ANK2: variants seen among roughly 807,000 people sequenced by gnomAD.
ANK2 encodes the protein ankyrin 2, also known as ankyrin-2.
A neutral mutation model predicts 360.5 loss-of-function variants in ANK2; 83 were observed. The ratio of observed to expected loss-of-function variants is 0.23; its 90% CI spans 0.19 to 0.28. ANK2 has a LOEUF of 0.28. Among genes scored for constraint, ANK2 ranks in the 10% least tolerant of loss-of-function variants. The pLI is 1.00. For missense variants in ANK2, 4,201 were observed against 4,795.7 expected (o/e 0.88, Z 3.66); for synonymous variants, 1,740 against 1,759.5 (o/e 0.99, Z 0.28).
the ANK2 span, among the ~76,000 whole-genome samples, chr4:112,809,389 G>A: frequency 0.13 from 19,710 of 150,048 alleles, 2,052 homozygotes; most frequent in East Asian, 0.5. Flanking sequence ...GTGAAACCCC[G>A]TCTCTACTAA....
At chr4:113,250,710 G>A (rs1182216442) in intron 10 of ANK2, among the ~76,000 whole-genome samples, 2 of 146,878 alleles carry the variant, frequency 1.4e-5, no homozygotes, top group Admixed American at 6.9e-5. Flanking sequence ...TAGACAAAGG[G>A]CAGTTGTTGT....
intron 2 of ANK2, among the ~76,000 whole-genome samples, chr4:112,997,801 TACAC>T (rs771955023): frequency 1.3e-5 from 2 of 151,534 alleles, no homozygotes; most frequent in Non-Finnish European, 2.9e-5. Flanking sequence ...TAAACATATA[TACAC>T]ACACACACAT....
In ANK2 at chr4:113,133,955, ACAG is replaced by A. The variant is rs1378287832; in HGVS notation, c.85-40460_85-40458del. 4.4e-3 allele frequency among the ~76,000 whole-genome samples: 674 copies of A among 152,318 alleles called. 8 individuals are homozygous for A. The highest frequency in any genetic ancestry group is 0.015 in the African/African-American group (641 of 41,576). On this transcript the variant is annotated intron_variant, in intron 1 of 45. Coordinates refer to ENST00000357077, the MANE Select transcript of ANK2 (RefSeq NM_001148.6). ...AAAAATATTTCTAACCTTTCAAGGA[ACAG>A]ACAAACAAAATAGCAGGGGGAGTCT...
In ANK2 at chr4:113,359,315, C is replaced by T. The variant is rs769501618; in HGVS notation, c.10681+16C>T. 8 of 1,612,766 alleles carry T rather than the reference C, an allele frequency of 5.0e-6. No individual in the cohort carries two copies. Among genetic ancestry groups the T allele is most frequent in the African/African-American group, 2.7e-5 (2 of 74,870 alleles). Reference sequence around the variant, plus strand: ...CATGCTGAAGGTATTTGCCAGCCACCGGGATTCCCTGTGCTACGCATGTCA... The same window carrying T: ...CATGCTGAAGGTATTTGCCAGCCACTGGGATTCCCTGTGCTACGCATGTCA... On this transcript the variant is annotated intron_variant, in intron 38 of 45. Transcript: ENST00000357077.
chr4:112,725,069 C>T, the ANK2 span, among the ~76,000 whole-genome samples: 1 of 151,992 alleles, frequency 6.6e-6, no homozygotes, highest in African/African-American at 2.4e-5. Context: ...TGTCTGAGCT[C>T]AGGAGTTCAA....
intron 1 of ANK2, among the ~76,000 whole-genome samples, chr4:113,091,508 T>C (rs1158731564): frequency 6.6e-6 from 1 of 152,244 alleles, no homozygotes; most frequent in Non-Finnish European, 1.5e-5. Context: ...GAAATTTTAA[T>C]GTTGATTAAA....
At chr4:112,792,009 A>G in the ANK2 span, among the ~76,000 whole-genome samples, 1 of 97,094 alleles carries the variant, frequency 1.0e-5, no homozygotes, top group African/African-American at 4.1e-5. Flanking sequence ...ACCACATTTT[A>G]TTTTGTTCTT....
In ANK2 at chr4:113,230,407, C is replaced by T. The variant is rs547361865; in HGVS notation, c.385-1754C>T. ...TTTTCTCCCTGTAGTCCCAGCTACTCGGGAGGCTGAGGCAGGAGGATCGCT... is the reference window on the plus strand; with the variant it reads ...TTTTCTCCCTGTAGTCCCAGCTACTTGGGAGGCTGAGGCAGGAGGATCGCT... On this transcript the variant is annotated intron_variant, in intron 4 of 45. Transcript: ENST00000357077. 4.6e-5 allele frequency among the ~76,000 whole-genome samples: 7 copies of T among 151,812 alleles called. No individual in the cohort carries two copies. The East Asian group carries it at 5.8e-4, about 13-fold the overall frequency.
chr4:112,899,896 AC>A (rs1311934868), intron 1 of ANK2, among the ~76,000 whole-genome samples: 1 of 152,062 alleles, frequency 6.6e-6, no homozygotes, highest in Non-Finnish European at 1.5e-5. Flanking sequence ...AGACTCAAAA[AC>A]CACAGGCTGA....
the ANK2 span, among the ~76,000 whole-genome samples, chr4:112,746,905 A>G: frequency 6.6e-5 from 10 of 152,232 alleles, no homozygotes; most frequent in Non-Finnish European, 1.0e-4. Flanking sequence ...TCAAATATCC[A>G]ATTTTAAGCA....
intron 4 of ANK2, among the ~76,000 whole-genome samples, chr4:113,224,362 C>T (rs2099189028): frequency 6.6e-6 from 1 of 152,186 alleles, no homozygotes; most frequent in African/African-American, 2.4e-5. Flanking sequence ...TAAATAAAGC[C>T]TCTCAGAGAG....
chr4:113,367,539 T>A (rs2096581978), intron 41 of ANK2, 27 bp from the exon 42 acceptor site: 4 of 1,611,858 alleles, frequency 2.5e-6, no homozygotes, highest in Non-Finnish European at 2.5e-6. Flanking sequence ...AAGCTTCAAC[T>A]AAATACTTAA....
At chr4:112,790,432 G>C in the ANK2 span, among the ~76,000 whole-genome samples, 6 of 151,452 alleles carry the variant, frequency 4.0e-5, no homozygotes, top group Non-Finnish European at 8.8e-5. Flanking sequence ...AGAGTGAGGG[G>C]ACTCACAGAA....
chr4:113,003,203 C>T (rs1350700125), intron 2 of ANK2, among the ~76,000 whole-genome samples: 1 of 152,118 alleles, frequency 6.6e-6, no homozygotes, highest in Non-Finnish European at 1.5e-5. Context: ...ATAAACAAAA[C>T]AAGCAATGTG....
chr4:113,049,608 C>T (rs1159288887), upstream of ANK2: 24 of 1,505,856 alleles, frequency 1.6e-5, no homozygotes, highest in Non-Finnish European at 2.0e-5. Context: ...CCTCCCAGTG[C>T]GCGCCCCTTC....
intron 1 of ANK2, among the ~76,000 whole-genome samples, chr4:113,139,624 G>A (rs1252681412): frequency 6.6e-6 from 1 of 152,154 alleles, no homozygotes; most frequent in East Asian, 1.9e-4. Context: ...ATAGAACATA[G>A]AATTAGTCAA....
At chr4:113,022,898 G>A (rs1247823003) in intron 2 of ANK2, among the ~76,000 whole-genome samples, 1 of 152,004 alleles carries the variant, frequency 6.6e-6, no homozygotes, top group Non-Finnish European at 1.5e-5. Flanking sequence ...TATTATTGAA[G>A]TTTTACAAAA....
chr4:113,142,397 T>C (rs2096664770), intron 1 of ANK2, among the ~76,000 whole-genome samples: 1 of 152,192 alleles, frequency 6.6e-6, no homozygotes, highest in African/African-American at 2.4e-5. Context: ...AAGTATCTGA[T>C]CGTCGGCAAA....
chr4:113,253,291 C>T (rs1346862645), intron 10 of ANK2, among the ~76,000 whole-genome samples: 2 of 152,182 alleles, frequency 1.3e-5, no homozygotes, highest in Non-Finnish European at 2.9e-5. Flanking sequence ...TCTCAGGTCT[C>T]TGAATGTTAG....
Sources: gnomAD v4.1 joint callset for allele counts (sites outside exome capture counted in the v4.1 genomes callset) on GRCh38, gnomAD v4.1.1 for gene constraint, MANE v1.5 for transcripts, NCBI Gene and HGNC (gene_info 2026-07-23, HGNC 2026-07-21) for gene names.